Variants in DGKH observed in about 807,000 individuals in gnomAD.
DGKH encodes the protein DAG kinase eta.
Under a neutral mutation model 159.3 loss-of-function variants are expected in DGKH, and 90 were observed. The ratio of observed to expected loss-of-function variants is 0.57; its 90% CI spans 0.48 to 0.67. DGKH has a LOEUF of 0.67. Among genes scored for constraint, DGKH ranks in the 30% least tolerant of loss-of-function variants. DGKH has a pLI of 0.00. For synonymous variants in DGKH, 536 were observed against 553.8 expected (o/e 0.97, Z 0.45); for missense variants, 1,181 against 1,506.1 (o/e 0.78, Z 3.57).
chr13:42,061,879 G>T (rs1177357930), intron 1 of DGKH, among the ~76,000 whole-genome samples: 3 of 152,124 alleles, frequency 2.0e-5, no homozygotes, highest in Non-Finnish European at 4.4e-5. Flanking sequence ...CAAGGGAGAA[G>T]TTAATTAACG....
chr13:42,098,486 CA>C (rs201346298), intron 1 of DGKH, among the ~76,000 whole-genome samples: 184 of 142,224 alleles, frequency 1.3e-3, no homozygotes, highest in Admixed American at 1.6e-3. Context: ...GACTCTGTCT[CA>C]AAAAAAAAAA....
chr13:42,193,262 T>C (rs1033585015), intron 16 of DGKH, among the ~76,000 whole-genome samples: 7 of 152,354 alleles, frequency 4.6e-5, no homozygotes, highest in Non-Finnish European at 1.0e-4. Context: ...TCCAACCGGC[T>C]ATCATCCCAC....
chr13:42,196,776 A>G (rs1014239593), intron 17 of DGKH, among the ~76,000 whole-genome samples: 6 of 152,240 alleles, frequency 3.9e-5, no homozygotes, highest in Non-Finnish European at 7.3e-5. Flanking sequence ...GGTTAATTTT[A>G]TAATATATCA....
intron 3 of DGKH, among the ~76,000 whole-genome samples, chr13:42,148,886 G>A (rs1021717031): frequency 7.4e-5 from 11 of 149,170 alleles, no homozygotes; most frequent in South Asian, 2.1e-4. Flanking sequence ...CTTCTTCCCC[G>A]CCGACATACA....
At chr13:42,181,730 G>A (rs1956769263) in intron 13 of DGKH, 4 of 765,298 alleles carry the variant, frequency 5.2e-6, no homozygotes, top group South Asian at 1.5e-5. Flanking sequence ...CCACAGCCAC[G>A]CCAGCTGCAG....
chr13:42,087,160 G>A (rs1048221373), intron 1 of DGKH, among the ~76,000 whole-genome samples: 7 of 151,936 alleles, frequency 4.6e-5, no homozygotes, highest in African/African-American at 1.7e-4. Flanking sequence ...ACTGGACAGA[G>A]TGGAAAGGCC....
intron 1 of DGKH, among the ~76,000 whole-genome samples, chr13:42,103,265 C>T (rs1285777013): frequency 6.6e-5 from 10 of 151,956 alleles, no homozygotes; most frequent in Admixed American, 5.9e-4. Context: ...GTGCAGGAGC[C>T]CTTTGATGTT....
At chr13:42,214,095 A>G (rs1957730551) in intron 24 of DGKH, among the ~76,000 whole-genome samples, 2 of 152,196 alleles carry the variant, frequency 1.3e-5, no homozygotes, top group African/African-American at 2.4e-5. Flanking sequence ...CACTTTGTGT[A>G]TTGATGACAA....
At chr13:42,197,265 A>AG (rs1300386991) in intron 17 of DGKH, among the ~76,000 whole-genome samples, 1 of 146,222 alleles carries the variant, frequency 6.8e-6, no homozygotes, top group African/African-American at 2.4e-5. Flanking sequence ...AAAAAAAAAA[A>AG]AAAAAGAAAG....
intron 1 of DGKH, among the ~76,000 whole-genome samples, chr13:42,105,967 T>G (rs1338950587): frequency 6.6e-6 from 1 of 152,178 alleles, no homozygotes; most frequent in East Asian, 1.9e-4. Flanking sequence ...TAATTAAACC[T>G]GATTTTTACC....
chr13:42,129,433 C>T, intron 2 of DGKH, 119 bp from the exon 3 acceptor site: 6 of 753,708 alleles, frequency 8.0e-6, no homozygotes, highest in African/African-American at 1.8e-5. Flanking sequence ...CAGAAAGTAC[C>T]ACCAACTTAA....
intron 3 of DGKH, among the ~76,000 whole-genome samples, chr13:42,139,825 A>C (rs1955495869): frequency 6.6e-6 from 1 of 152,228 alleles, no homozygotes; most frequent in South Asian, 2.1e-4. Flanking sequence ...GAATTTAAAC[A>C]AATTTAAAGG....
chr13:42,162,816 A>G (rs1183649671), intron 7 of DGKH, among the ~76,000 whole-genome samples: 1 of 149,808 alleles, frequency 6.7e-6, no homozygotes, highest in African/African-American at 2.4e-5. Context: ...AAACACAAAC[A>G]AAAACATGAG....
At chr13:42,208,285 G>C (rs968587332) in intron 21 of DGKH, among the ~76,000 whole-genome samples, 1 of 152,098 alleles carries the variant, frequency 6.6e-6, no homozygotes, top group South Asian at 2.1e-4. Context: ...TATAGTAAAA[G>C]AGAGAGTAAG....
intron 29 of DGKH, among the ~76,000 whole-genome samples, chr13:42,248,478 TATA>T (rs925011701): frequency 3.4e-5 from 5 of 147,134 alleles, no homozygotes; most frequent in South Asian, 2.1e-4. Context: ...ATAATTTATA[TATA>T]ATATTATATA....
At chr13:42,130,767 A>G (rs1175275448) in intron 3 of DGKH, among the ~76,000 whole-genome samples, 1 of 152,118 alleles carries the variant, frequency 6.6e-6, no homozygotes, top group East Asian at 1.9e-4. Context: ...TTATTGATTT[A>G]TGGGCATGTG....
At chr13:42,043,164 TG>T (rs1880614544) in intron 1 of DGKH, among the ~76,000 whole-genome samples, 1 of 152,134 alleles carries the variant, frequency 6.6e-6, no homozygotes, top group Non-Finnish European at 1.5e-5. Flanking sequence ...GTGACATATA[TG>T]TTACATACAT....
intron 30 of DGKH, among the ~76,000 whole-genome samples, chr13:42,254,694 T>A (rs1422131919): frequency 6.6e-6 from 1 of 151,942 alleles, no homozygotes; most frequent in Non-Finnish European, 1.5e-5. Context: ...GGAAACAATA[T>A]AACGTATTAA....
chr13:42,157,569 C>T (rs925003792), intron 5 of DGKH, among the ~76,000 whole-genome samples: 2 of 152,148 alleles, frequency 1.3e-5, no homozygotes, highest in African/African-American at 4.8e-5. Context: ...AGGCGGATCA[C>T]CTGAGGTTGG....
Sources: allele counts gnomAD v4.1 joint callset (sites outside exome capture counted in the v4.1 genomes callset), GRCh38; gene constraint gnomAD v4.1.1; transcripts MANE v1.5; gene names NCBI Gene and HGNC (gene_info 2026-07-23, HGNC 2026-07-21).